Variants in MZT1 observed in about 807,000 individuals in gnomAD.
MZT1 encodes the protein mitotic spindle organizing protein 1.
In MZT1, 8 loss-of-function variants were observed where a neutral mutation model predicts 8.5. The ratio of observed to expected loss-of-function variants is 0.94; its 90% confidence interval spans 0.55 to 1.70. The LOEUF is 1.70. Among genes scored for constraint, MZT1 ranks in the 40% most tolerant of loss-of-function variants. The pLI is 0.00. For missense variants in MZT1, 93 were observed against 108.6 expected, an observed-to-expected ratio of 0.86 and a Z score of 0.64; for synonymous variants, 38 against 42.0, an observed-to-expected ratio of 0.90 and a Z score of 0.37.
chr13:72,726,798 A>G (rs2032667503), intron 1 of MZT1, among the ~76,000 whole-genome samples: 2 of 150,714 alleles, frequency 1.3e-5, no homozygotes, highest in Admixed American at 1.3e-4. Flanking sequence ...TATCTAGTCC[A>G]AGCTCACCAC....
intron 1 of MZT1, among the ~76,000 whole-genome samples, chr13:72,722,686 A>T (rs2138017531): frequency 6.6e-6 from 1 of 152,118 alleles, no homozygotes; most frequent in South Asian, 2.1e-4. Context: ...CACATTTCTG[A>T]CTCCCAACTT....
chr13:72,718,872 T>C (rs1010805870), intron 2 of MZT1, 80 bp downstream of exon 2: 32 of 1,341,656 alleles, frequency 2.4e-5, no homozygotes, highest in Admixed American at 5.3e-5. Context: ...TTAACCAGGA[T>C]GTTTCCCATA....
intron 2 of MZT1, among the ~76,000 whole-genome samples, chr13:72,717,948 C>A (rs926528990): frequency 6.6e-6 from 1 of 152,196 alleles, no homozygotes; most frequent in African/African-American, 2.4e-5. Context: ...TCCAAAGCCA[C>A]ATCCTCACTT....
intron 1 of MZT1, among the ~76,000 whole-genome samples, chr13:72,722,794 T>C (rs1290906247): frequency 6.6e-6 from 1 of 152,218 alleles, no homozygotes; most frequent in Admixed American, 6.5e-5. Context: ...AACCTCTCTC[T>C]TCCTAATCAA....
intron 1 of MZT1, among the ~76,000 whole-genome samples, chr13:72,719,606 T>C (rs916722426): frequency 2.0e-5 from 3 of 152,184 alleles, no homozygotes; most frequent in Non-Finnish European, 2.9e-5. Context: ...GTCAGTAATA[T>C]ACATATTTAA....
chr13:72,724,752 A>ATATATATATATATATGTGTGTG (rs1180726488), intron 1 of MZT1, among the ~76,000 whole-genome samples: 2 of 56,890 alleles, frequency 3.5e-5, no homozygotes, highest in African/African-American at 5.0e-5. Context: ...ACATATATAT[A>ATATATATATATATATGTGTGTG]TGTAAAGTGG....
At chr13:72,714,399 T>G (rs2032515304) in intron 2 of MZT1, among the ~76,000 whole-genome samples, 1 of 152,168 alleles carries the variant, frequency 6.6e-6, no homozygotes, top group Admixed American at 6.5e-5. Context: ...CCTGTCCATG[T>G]GGTAGAAAAG....
rs896311143 is a variant in MZT1, at chr13:72,710,856, C to T, written c.226-511G>A. ...CAAGATACCATATCATCAATAAATA[C>T]TTTGATACATTATTTCTAGAGACTT... is the stretch of plus-strand genomic sequence containing the variant. On this transcript the variant is annotated intron_variant, in intron 2 of 2. Coordinates refer to ENST00000377818, the MANE Select transcript of MZT1 (RefSeq NM_001071775.3). Among the ~76,000 whole-genome samples, 4 of 152,100 alleles carry T rather than the reference C, an allele frequency of 2.6e-5. No homozygotes were observed. The East Asian group carries it at 7.7e-4, about 29-fold the overall frequency.
Position 72,727,483 on chromosome 13 carries a change from G to T in MZT1, c.79+41C>A, listed in dbSNP as rs116470408. 2,898 of 1,598,890 alleles carry T rather than the reference G, an allele frequency of 1.8e-3. 48 individuals carry two copies. The African/African-American group carries it at 0.033, about 18-fold the overall frequency. ...ATTCCCGCCTGGGGGCCTTGGCTCT[G>T]GGAAGGCACGCAAGGTAAAGGGAGC... On this transcript the variant is annotated intron_variant, in intron 1 of 2. Transcript: ENST00000377818.
In MZT1 at chr13:72,710,099, C is replaced by A; in HGVS notation, c.*223G>T. 1.9e-6 allele frequency: 1 copy of A among 537,490 alleles called. No individual in the cohort carries two copies. The highest frequency in any genetic ancestry group is 3.3e-6 in the Non-Finnish European group (1 of 301,170). The allele number at this position is 537,490 out of a possible 1,614,324, so 33.3% of individuals were successfully genotyped here. ...ACATAGCAATGCCAAAGCATTAGAG[C>A]TGTTAAAAAAAGTGAATAAGATGTG... On this transcript the variant is annotated 3_prime_UTR_variant, in exon 3 of 3. Coordinates refer to ENST00000377818, the MANE Select transcript of MZT1 (RefSeq NM_001071775.3).
intron 2 of MZT1, among the ~76,000 whole-genome samples, chr13:72,710,634 G>A (rs2032479948): frequency 6.6e-6 from 1 of 152,120 alleles, no homozygotes; most frequent in Non-Finnish European, 1.5e-5. Context: ...ACCTATGGCA[G>A]ACCTGTTGCC....
chr13:72,722,154 A>T (rs1053645650), intron 1 of MZT1, among the ~76,000 whole-genome samples: 7 of 152,226 alleles, frequency 4.6e-5, no homozygotes, highest in Admixed American at 4.6e-4. Flanking sequence ...AGCAAGCAGC[A>T]AAAGACAGTG....
chr13:72,724,752 A>ATATATATATATATATATGTGTGTGTG lies in MZT1; in HGVS notation c.79+2771_79+2772insCACACACACATATATATATATATATA, dbSNP rs1180726488. Among the ~76,000 whole-genome samples the ATATATATATATATATATGTGTGTGTG allele has an allele frequency of 1.6e-4, 9 of 56,886 alleles. 1 individual carries two copies. Among genetic ancestry groups the ATATATATATATATATATGTGTGTGTG allele is most frequent in the South Asian group, 8.0e-4 (1 of 1,250 alleles). The allele number at this position is 56,886 out of a possible 152,430, so 37.3% of individuals were successfully genotyped here. ...TATATATATATATACACATATATATATGTAAAGTGGTGCTACAGGCCGGGC... is the reference window on the plus strand; with the variant it reads ...TATATATATATATACACATATATATATATATATATATATATATGTGTGTGTGTGTAAAGTGGTGCTACAGGCCGGGC... On this transcript the variant is annotated intron_variant, in intron 1 of 2. Coordinates refer to ENST00000377818, the MANE Select transcript of MZT1 (RefSeq NM_001071775.3).
intron 1 of MZT1, among the ~76,000 whole-genome samples, chr13:72,726,062 C>T (rs1382192704): frequency 1.3e-5 from 2 of 152,076 alleles, no homozygotes; most frequent in Non-Finnish European, 2.9e-5. Context: ...TGCAAAGGCT[C>T]TAAAAGTGTA....
At chr13:72,724,952 C>T (rs1166046910) in intron 1 of MZT1, among the ~76,000 whole-genome samples, 1 of 147,672 alleles carries the variant, frequency 6.8e-6, no homozygotes, top group Non-Finnish European at 1.5e-5. Flanking sequence ...CTCCAGAGGC[C>T]AAGGCAGGAG....
chr13:72,709,302 G>C lies in MZT1; in HGVS notation c.*1020C>G, dbSNP rs1299244617. 6.6e-6 allele frequency: 1 copy of C among 151,988 alleles called. No individual in the cohort carries two copies. The highest frequency in any genetic ancestry group is 3.8e-3 in the Middle Eastern group (1 of 260). 9.4% of individuals were successfully genotyped at this position (151,988 alleles called of 1,614,324 possible). The stretch of plus-strand genomic sequence containing the variant: ...CTTCAAAAAATAGCAAGTATCCTTT[G>C]AAACACATCACCCATCTAATAAGAT... On this transcript the variant is annotated 3_prime_UTR_variant, in exon 3 of 3. Transcript: ENST00000377818.
At chr13:72,727,188 G>A (rs2032677489) in intron 1 of MZT1, among the ~76,000 whole-genome samples, 1 of 152,210 alleles carries the variant, frequency 6.6e-6, no homozygotes, top group Non-Finnish European at 1.5e-5. Context: ...TGGGTGGGGT[G>A]GGCGTGACGC....
intron 1 of MZT1, among the ~76,000 whole-genome samples, chr13:72,723,616 A>G (rs1400892438): frequency 3.3e-5 from 5 of 152,210 alleles, no homozygotes; most frequent in African/African-American, 1.2e-4. Flanking sequence ...CATCCCCAAG[A>G]TATCTCATTA....
In MZT1 at chr13:72,710,256, A is replaced by AT; in HGVS notation, c.*65_*66insA. ...GCAGTAATTTCATTGTACATTCTCAACTACAATGCAATCTTCAAACCCTCT... is the reference window on the plus strand; with the variant it reads ...GCAGTAATTTCATTGTACATTCTCAATCTACAATGCAATCTTCAAACCCTCT... On this transcript the variant is annotated 3_prime_UTR_variant, in exon 3 of 3. Transcript: ENST00000377818. 1 of 1,518,672 alleles carries AT rather than the reference A, an allele frequency of 6.6e-7. No individual in the cohort carries two copies. The highest frequency in any genetic ancestry group is 9.1e-7 in the Non-Finnish European group (1 of 1,097,596). 94.1% of individuals were successfully genotyped at this position (1,518,672 alleles called of 1,614,324 possible).
Sources: gnomAD v4.1 joint callset for allele counts (sites outside exome capture counted in the v4.1 genomes callset) on GRCh38, gnomAD v4.1.1 for gene constraint, MANE v1.5 for transcripts, NCBI Gene and HGNC (gene_info 2026-07-23, HGNC 2026-07-21) for gene names.